ATP6V0A4: variants seen among roughly 807,000 people sequenced by gnomAD.
ATP6V0A4 encodes the protein V-type proton ATPase 116 kDa subunit a 4.
A neutral mutation model predicts 107.3 loss-of-function variants in ATP6V0A4; 86 were observed. The ratio of observed to expected loss-of-function variants is 0.80; its 90% confidence interval spans 0.67 to 0.96. The LOEUF (loss-of-function observed/expected upper bound fraction) is 0.96, where lower values mean the gene tolerates loss of function less well. Among genes scored for constraint, ATP6V0A4 ranks in the 40% least tolerant of loss-of-function variants. ATP6V0A4 has a pLI of 0.00. For synonymous variants in ATP6V0A4, 353 were observed against 381.4 expected, an observed-to-expected ratio of 0.93 and a Z score of 0.87; for missense variants, 908 against 1,045.6, an observed-to-expected ratio of 0.87 and a Z score of 1.81.
intron 11 of ATP6V0A4, among the ~76,000 whole-genome samples, chr7:138,749,591 T>C (rs1439760131): frequency 1.3e-5 from 2 of 152,214 alleles, no homozygotes; most frequent in Non-Finnish European, 2.9e-5. Context: ...GCGAATGTTA[T>C]GACTCCTGGC....
At chr7:138,785,530 G>A (rs1032674183) in intron 2 of ATP6V0A4, among the ~76,000 whole-genome samples, 2 of 151,906 alleles carry the variant, frequency 1.3e-5, no homozygotes, top group African/African-American at 4.8e-5. Flanking sequence ...ACCTGCCTCG[G>A]CCTTCCAAAG....
rs1438982513 is a variant in ATP6V0A4 at position 138,706,731 on chromosome 7, G to A, written c.2430-14C>T. 3 of 1,612,812 alleles carry A rather than the reference G, an allele frequency of 1.9e-6. No individual in the cohort carries two copies. In the African/African-American group the frequency reaches 4.0e-5, roughly 22 times the overall value. ...TGGAACTCAACCCTGTTGTTGAGGG[G>A]AGGCCGTGGGGTAAGAAATGGGAGA... On this transcript the variant is annotated splice_polypyrimidine_tract_variant and intron_variant, in intron 21 of 21. Transcript: ENST00000310018.
At chr7:138,724,346 C>G (rs1373482266) in intron 18 of ATP6V0A4, among the ~76,000 whole-genome samples, 4 of 152,142 alleles carry the variant, frequency 2.6e-5, no homozygotes, top group African/African-American at 9.7e-5. Context: ...TTTTTTTCAC[C>G]TCTGGCTTCA....
intron 12 of ATP6V0A4, among the ~76,000 whole-genome samples, chr7:138,748,781 G>T (rs1413951381): frequency 6.6e-6 from 1 of 152,108 alleles, no homozygotes; most frequent in East Asian, 1.9e-4. Context: ...TCTAAGTTCT[G>T]TGTACTGGTG....
chr7:138,761,178 A>C (rs1337167286), intron 7 of ATP6V0A4, among the ~76,000 whole-genome samples: 2 of 152,112 alleles, frequency 1.3e-5, no homozygotes, highest in Non-Finnish European at 2.9e-5. Context: ...TCTACTAAAA[A>C]ATTTTTTAAA....
chr7:138,757,089 A>G (rs1161417306), intron 8 of ATP6V0A4, among the ~76,000 whole-genome samples: 1 of 152,228 alleles, frequency 6.6e-6, no homozygotes, highest in African/African-American at 2.4e-5. Context: ...TCCAAGTTGG[A>G]CAATTCACAA....
intron 11 of ATP6V0A4, among the ~76,000 whole-genome samples, chr7:138,751,616 C>A (rs1311835059): frequency 6.6e-6 from 1 of 151,768 alleles, no homozygotes; most frequent in Admixed American, 6.6e-5. Context: ...TCTATCAAAG[C>A]AGGGTCTTGG....
At chr7:138,725,279 A>G (rs1368977153) in intron 18 of ATP6V0A4, among the ~76,000 whole-genome samples, 1 of 152,186 alleles carries the variant, frequency 6.6e-6, no homozygotes, top group African/African-American at 2.4e-5. Context: ...ACATACATAA[A>G]ATAAATAAAA....
intron 8 of ATP6V0A4, among the ~76,000 whole-genome samples, chr7:138,759,201 C>T (rs983347316): frequency 1.3e-5 from 2 of 151,334 alleles, no homozygotes; most frequent in Non-Finnish European, 2.9e-5. Context: ...CTGGGACTAC[C>T]GGTGTGTGCC....
chr7:138,789,221 G>GT (rs1481654818), intron 1 of ATP6V0A4, among the ~76,000 whole-genome samples: 18 of 139,072 alleles, frequency 1.3e-4, no homozygotes, highest in East Asian at 4.0e-4. Flanking sequence ...TTTTTTGGGG[G>GT]GTTTTTTTTT....
chr7:138,795,167 G>A (rs1216608824), intron 1 of ATP6V0A4, among the ~76,000 whole-genome samples: 1 of 152,136 alleles, frequency 6.6e-6, no homozygotes, highest in Non-Finnish European at 1.5e-5. Flanking sequence ...TTCCCAAAGT[G>A]CTGGGATTAC....
At chr7:138,722,089 A>G in intron 18 of ATP6V0A4, 64 bp from the exon 19 acceptor site, 5 of 1,601,628 alleles carry the variant, frequency 3.1e-6, no homozygotes, top group South Asian at 1.1e-5. Flanking sequence ...ACACATATAA[A>G]TATAAATAAA....
intron 2 of ATP6V0A4, among the ~76,000 whole-genome samples, chr7:138,772,451 G>A (rs932860994): frequency 6.6e-6 from 1 of 152,152 alleles, no homozygotes; most frequent in Admixed American, 6.5e-5. Flanking sequence ...GGATGCCCAC[G>A]GGTGAGTGGG....
chr7:138,706,395 T>C lies in ATP6V0A4; in HGVS notation c.*229A>G, dbSNP rs1296472406. 9.1e-6 allele frequency: 5 copies of C among 547,084 alleles called. No individual in the cohort carries two copies. The highest frequency in any genetic ancestry group is 5.7e-5 in the African/African-American group (3 of 52,844). 33.9% of individuals were successfully genotyped at this position (547,084 alleles called of 1,614,324 possible). On this transcript the variant is annotated 3_prime_UTR_variant, in exon 22 of 22. Transcript: ENST00000310018. ...CTCATTTGTCAATTACTTTATTATTTGAGAATTAATACCCCACATGAAGAC... is the reference window on the plus strand; with the variant it reads ...CTCATTTGTCAATTACTTTATTATTCGAGAATTAATACCCCACATGAAGAC...
chr7:138,767,388 T>C (rs983719121), intron 5 of ATP6V0A4, among the ~76,000 whole-genome samples: 4 of 152,044 alleles, frequency 2.6e-5, no homozygotes, highest in South Asian at 2.1e-4. Flanking sequence ...CTGGGCGTGG[T>C]GGCGCATGCC....
At chr7:138,763,175 A>G (rs988274176) in intron 5 of ATP6V0A4, 150 bp from the exon 6 acceptor site, 2 of 871,996 alleles carry the variant, frequency 2.3e-6, no homozygotes, top group African/African-American at 1.7e-5. Context: ...AGACACACAC[A>G]GACACACACA....
chr7:138,762,926 G>C lies in ATP6V0A4; in HGVS notation c.391C>G (p.Leu131Val). 1 of 1,614,062 alleles carries C rather than the reference G, an allele frequency of 6.2e-7. No individual in the cohort carries two copies. Among genetic ancestry groups the C allele is most frequent in the Non-Finnish European group, 8.5e-7 (1 of 1,180,020 alleles). The change falls in exon 6 of 22, where the codon CTG becomes GTG. Residue 131 changes from leucine to valine, a missense_variant. Leu to Val is a conservative substitution (Grantham distance 32, BLOSUM62 1). Coordinates refer to ENST00000310018, the MANE Select transcript of ATP6V0A4 (RefSeq NM_020632.3). ...FLELTELKYL[L>V]KKTQDFFETE... is the part of the protein sequence containing the mutation. ...TCAAAGAAGTCTTGGGTTTTCTTCA[G>C]GAGGTATTTCAGTTCTGTCAGTTCT... is the stretch of plus-strand genomic sequence containing the variant.
At chr7:138,783,759 T>G (rs1399220056) in intron 2 of ATP6V0A4, among the ~76,000 whole-genome samples, 12 of 152,156 alleles carry the variant, frequency 7.9e-5, no homozygotes, top group African/African-American at 2.9e-4. Context: ...GAACTCCTAC[T>G]TTTTCTTACC....
chr7:138,735,674 G>C (rs1004328871), intron 15 of ATP6V0A4, among the ~76,000 whole-genome samples: 6 of 152,158 alleles, frequency 3.9e-5, no homozygotes, highest in African/African-American at 1.4e-4. Flanking sequence ...ATGGGCTTTG[G>C]CATCTAAGTG....
Sources: allele counts gnomAD v4.1 joint callset (sites outside exome capture counted in the v4.1 genomes callset), GRCh38; gene constraint gnomAD v4.1.1; transcripts MANE v1.5; gene names NCBI Gene and HGNC (gene_info 2026-07-23, HGNC 2026-07-21).